Variants in ROBO1 observed in about 807,000 individuals in gnomAD.
ROBO1 encodes the protein roundabout homolog 1.
Under a neutral mutation model 195.9 loss-of-function variants are expected in ROBO1, and 149 were observed. The observed-to-expected ratio is 0.76, with a 90% confidence interval of 0.67 to 0.87. ROBO1 has a LOEUF of 0.87. Ranked by LOEUF, ROBO1 falls within the 40% of genes least tolerant of loss-of-function variation. The probability of loss-of-function intolerance (pLI) is 0.00; values close to 1 mark genes in which losing one functional copy is unlikely to be tolerated. For missense variants in ROBO1, 1,933 were observed against 2,068.3 expected (o/e 0.93, Z 1.27); for synonymous variants, 816 against 733.2 (o/e 1.11, Z -1.82).
chr3:79,231,050 A>C (rs1040867546), intron 2 of ROBO1, among the ~76,000 whole-genome samples: 13 of 152,016 alleles, frequency 8.6e-5, no homozygotes, highest in Non-Finnish European at 1.8e-4. Context: ...CCTTCCTTAC[A>C]CCCTACACAA....
At chr3:78,817,558 A>G (rs1489335579) in intron 4 of ROBO1, among the ~76,000 whole-genome samples, 1 of 152,158 alleles carries the variant, frequency 6.6e-6, no homozygotes, top group African/African-American at 2.4e-5. Flanking sequence ...AAAAACACAA[A>G]TGGCATGCTC....
At chr3:79,554,982 T>A (rs1169336934) in intron 2 of ROBO1, among the ~76,000 whole-genome samples, 1 of 152,044 alleles carries the variant, frequency 6.6e-6, no homozygotes, top group Non-Finnish European at 1.5e-5. Context: ...ACTAGCAGGA[T>A]ACATGTAATG....
chr3:79,254,357 T>C (rs562470080), intron 2 of ROBO1, among the ~76,000 whole-genome samples: 75 of 152,274 alleles, frequency 4.9e-4, no homozygotes, highest in African/African-American at 1.7e-3. Context: ...ATAATAGTTA[T>C]TTAGGCTTTT....
chr3:79,491,716 A>G (rs1284831232), intron 2 of ROBO1, among the ~76,000 whole-genome samples: 2 of 152,022 alleles, frequency 1.3e-5, no homozygotes, highest in Non-Finnish European at 2.9e-5. Flanking sequence ...CTACCACAAG[A>G]GAAGTGAGGT....
intron 1 of ROBO1, among the ~76,000 whole-genome samples, chr3:79,754,396 C>A (rs1418514851): frequency 6.6e-6 from 1 of 152,124 alleles, no homozygotes; most frequent in African/African-American, 2.4e-5. Flanking sequence ...CTGCCTTATA[C>A]AGATTGGTAT....
At chr3:79,639,049 C>T (rs975720651) in intron 1 of ROBO1, among the ~76,000 whole-genome samples, 1 of 152,258 alleles carries the variant, frequency 6.6e-6, no homozygotes, top group African/African-American at 2.4e-5. Context: ...ATAATGTTCA[C>T]TTGCATAGCA....
intron 8 of ROBO1, among the ~76,000 whole-genome samples, chr3:78,713,688 A>AG (rs749606363): frequency 3.9e-5 from 6 of 152,194 alleles, no homozygotes; most frequent in Non-Finnish European, 7.3e-5. Context: ...TGGATGGAAA[A>AG]GGGGTGACAG....
chr3:79,496,387 C>CATTTTTTTTTTTTTTTTTTTTTTTTTT lies in ROBO1; in HGVS notation c.88+93436_88+93437insAAAAAAAAAAAAAAAAAAAAAAAAAAT, dbSNP rs145186389. Among the ~76,000 whole-genome samples, 378 of 112,574 alleles carry CATTTTTTTTTTTTTTTTTTTTTTTTTT rather than the reference C, an allele frequency of 3.4e-3. 83 individuals are homozygous for CATTTTTTTTTTTTTTTTTTTTTTTTTT. The highest frequency in any genetic ancestry group is 7.2e-3 in the East Asian group (27 of 3,748). The allele number at this position is 112,574 out of a possible 152,430, so 73.9% of individuals were successfully genotyped here. On this transcript the variant is annotated intron_variant, in intron 2 of 30. Transcript: ENST00000464233. ...TTTTGGTATAATGCTGCGCACCCAT[C>CATTTTTTTTTTTTTTTTTTTTTTTTTT]TTTTTTTGAGACGGAGTCTCGCTCT...
At chr3:79,381,587 A>T (rs1029567618) in intron 2 of ROBO1, among the ~76,000 whole-genome samples, 2 of 151,746 alleles carry the variant, frequency 1.3e-5, no homozygotes, top group Non-Finnish European at 2.9e-5. Context: ...CTCCTATATG[A>T]GTTTTGTTTT....
intron 4 of ROBO1, among the ~76,000 whole-genome samples, chr3:78,782,517 G>A (rs2083709320): frequency 6.6e-6 from 1 of 151,948 alleles, no homozygotes; most frequent in Admixed American, 6.6e-5. Context: ...AATTCTTAAT[G>A]TCGCTTCCAA....
chr3:79,639,604 T>C (rs752817856), intron 1 of ROBO1, among the ~76,000 whole-genome samples: 34 of 152,214 alleles, frequency 2.2e-4, no homozygotes, highest in Admixed American at 1.3e-3. Flanking sequence ...GCAAGAGCAC[T>C]AATTTTATAA....
At chr3:79,426,568 A>T (rs1250631526) in intron 2 of ROBO1, among the ~76,000 whole-genome samples, 1 of 152,068 alleles carries the variant, frequency 6.6e-6, no homozygotes, top group African/African-American at 2.4e-5. Context: ...GGGTTTCACC[A>T]TGTTGGCCAG....
Position 79,491,222 on chromosome 3 carries a change from C to CT in ROBO1, c.88+98601dup, listed in dbSNP as rs10612189. 1.9e-3 allele frequency among the ~76,000 whole-genome samples: 279 copies of CT among 144,256 alleles called. 5 individuals are homozygous for CT. Among genetic ancestry groups the CT allele is most frequent in the Middle Eastern group, 0.015 (4 of 270 alleles). 94.6% of individuals were successfully genotyped at this position (144,256 alleles called of 152,430 possible). A position where few individuals can be genotyped will look rare whatever the true frequency, so the allele number is the denominator to read the frequency against. ...GGAAAGGGGTGGACGGGGATCGGCT[C>CT]TTTTTTTTTTTTTTTCCAGTTTTTA... On this transcript the variant is annotated intron_variant, in intron 2 of 30. Transcript: ENST00000464233.
chr3:79,118,815 A>C (rs1246503090), intron 3 of ROBO1, among the ~76,000 whole-genome samples: 1 of 151,284 alleles, frequency 6.6e-6, no homozygotes, highest in Non-Finnish European at 1.5e-5. Flanking sequence ...CATTGAGCCG[A>C]GACCCCACCA....
intron 27 of ROBO1, 113 bp downstream of exon 27, chr3:78,617,520 AAC>A: frequency 1.7e-6 from 2 of 1,146,168 alleles, no homozygotes; most frequent in South Asian, 2.1e-5. Context: ...AAAAAAAAAA[AAC>A]TGTAAGAATA....
chr3:79,666,431 T>A (rs1227603784), intron 1 of ROBO1, among the ~76,000 whole-genome samples: 3 of 151,990 alleles, frequency 2.0e-5, no homozygotes, highest in African/African-American at 7.2e-5. Flanking sequence ...TGTGTTTTAC[T>A]GATATGATTT....
At chr3:79,046,961 A>G (rs907183397) in intron 3 of ROBO1, among the ~76,000 whole-genome samples, 2 of 152,188 alleles carry the variant, frequency 1.3e-5, no homozygotes, top group Non-Finnish European at 2.9e-5. Flanking sequence ...TAGATAACTA[A>G]TACAGAGTTC....
At chr3:79,492,446 AG>A (rs762615432) in intron 2 of ROBO1, among the ~76,000 whole-genome samples, 20 of 140,602 alleles carry the variant, frequency 1.4e-4, no homozygotes, top group African/African-American at 4.7e-4. Flanking sequence ...AAAAAAAAAA[AG>A]AGACTGTAGA....
intron 2 of ROBO1, among the ~76,000 whole-genome samples, chr3:79,439,450 CTAT>C (rs2038986772): frequency 6.6e-6 from 1 of 151,996 alleles, no homozygotes; most frequent in African/African-American, 2.4e-5. Context: ...TTTACCAAAA[CTAT>C]TATTATCTAA....
Sources: allele counts gnomAD v4.1 joint callset (sites outside exome capture counted in the v4.1 genomes callset), GRCh38; gene constraint gnomAD v4.1.1; transcripts MANE v1.5; gene names NCBI Gene and HGNC (gene_info 2026-07-23, HGNC 2026-07-21).